The following ZNF600 variants were observed in gnomAD, a reference collection of about 807,000 sequenced individuals.
ZNF600 encodes zinc finger protein 600, also known as zinc finger protein KR-ZNF1.
ZNF600 carries 4 observed loss-of-function variants against 7.3 expected under a neutral mutation model. The ratio of observed to expected loss-of-function variants is 0.55; its 90% CI spans 0.27 to 1.25. The LOEUF (loss-of-function observed/expected upper bound fraction) is 1.25, where lower values mean the gene tolerates loss of function less well. ZNF600 is among the 50% of genes most tolerant of loss of function. The pLI is 0.12. For missense variants in ZNF600, 911 were observed against 922.1 expected, an observed-to-expected ratio of 0.99 and a Z score of 0.16; for synonymous variants, 290 against 308.9, an observed-to-expected ratio of 0.94 and a Z score of 0.64.
chr19:52,787,764 A>G (rs1466476217), upstream of ZNF600, among the ~76,000 whole-genome samples: 5 of 148,986 alleles, frequency 3.4e-5, no homozygotes, highest in Middle Eastern at 3.4e-3. Context: ...GGAGGCTGAG[A>G]CAGGAGAATG....
chr19:52,800,714 A>G, the ZNF600 span: 2 of 1,613,930 alleles, frequency 1.2e-6, no homozygotes, highest in Non-Finnish European at 1.7e-6. Context: ...TCTCTCCAGT[A>G]TGAAGCCTAC....
the ZNF600 span, among the ~76,000 whole-genome samples, chr19:52,794,389 C>T: frequency 6.6e-6 from 1 of 152,176 alleles, no homozygotes; most frequent in Non-Finnish European, 1.5e-5. Flanking sequence ...CTGAGCTTTT[C>T]TGGTCTTATT....
chr19:52,808,267 C>G, the ZNF600 span: 13 of 1,487,140 alleles, frequency 8.7e-6, no homozygotes, highest in African/African-American at 1.8e-4. Flanking sequence ...GATTTTTCAC[C>G]ACATGATGTT....
chr19:52,781,635 A>C (rs139266460), intron 1 of ZNF600, among the ~76,000 whole-genome samples, 171 bp from the exon 2 acceptor site: 1 of 152,132 alleles, frequency 6.6e-6, no homozygotes, highest in Non-Finnish European at 1.5e-5. Context: ...GCATCATGGC[A>C]TGCATCTGCG....
the ZNF600 span, among the ~76,000 whole-genome samples, chr19:52,792,990 C>G: frequency 1.3e-5 from 2 of 151,964 alleles, no homozygotes; most frequent in African/African-American, 4.8e-5. Flanking sequence ...CCCACCTCGG[C>G]CTCCCAAAGT....
chr19:52,791,070 C>G (rs1600409999), upstream of ZNF600, among the ~76,000 whole-genome samples: 1 of 152,204 alleles, frequency 6.6e-6, no homozygotes, highest in East Asian at 1.9e-4. Context: ...AAATCAGATA[C>G]AAACTATCTC....
the ZNF600 span, chr19:52,801,636 T>A: frequency 8.7e-6 from 14 of 1,613,854 alleles, no homozygotes; most frequent in East Asian, 6.7e-5. Context: ...TGTCCCTGTG[T>A]GGAACGCTTC....
chr19:52,823,076 C>T, the ZNF600 span, among the ~76,000 whole-genome samples: 3 of 152,150 alleles, frequency 2.0e-5, no homozygotes, highest in African/African-American at 7.2e-5. Flanking sequence ...GATTGATACA[C>T]TTCAAGGAAG....
the ZNF600 span, among the ~76,000 whole-genome samples, chr19:52,804,520 G>C: frequency 1.2e-3 from 182 of 152,164 alleles, 2 homozygotes; most frequent in African/African-American, 4.0e-3. Context: ...ACAGGCGCAC[G>C]CCACCATACA....
the ZNF600 span, among the ~76,000 whole-genome samples, chr19:52,815,097 A>G: frequency 7.5e-5 from 6 of 79,660 alleles, no homozygotes; most frequent in South Asian, 1.8e-3. Context: ...GTGTATATAT[A>G]TATTTATATA....
chr19:52,787,983 T>TA (rs369781585), upstream of ZNF600, among the ~76,000 whole-genome samples: 140 of 152,262 alleles, frequency 9.2e-4, 1 homozygote, highest in African/African-American at 3.2e-3. Flanking sequence ...CTTTCATACA[T>TA]AGATTCTCTG....
Position 52,767,670 on chromosome 19 carries a change from A to G in ZNF600, c.293T>C (p.Ile98Thr), listed in dbSNP as rs544548178. The stretch of plus-strand genomic sequence containing the variant: ...AATTTCCTGGAAGCAAAAATCTCCA[A>G]TGTGATAACTTTGATATCTTTGCAA... The change falls in exon 4 of 4, where the codon ATT (isoleucine) becomes ACT (threonine). Residue 98 changes from isoleucine (I) to threonine (T), a missense_variant. Ile to Thr is a moderately conservative substitution (Grantham distance 89). Transcript: ENST00000648973. The G allele has an allele frequency of 2.1e-5, 34 of 1,614,154 alleles. No individual in the cohort carries two copies. Among genetic ancestry groups the G allele is most frequent in the East Asian group, 2.0e-4 (9 of 44,882 alleles).
chr19:52,810,390 C>T, the ZNF600 span: 2 of 1,604,964 alleles, frequency 1.2e-6, no homozygotes, highest in Admixed American at 1.7e-5. Context: ...TTCAGTCAAC[C>T]ACGTTACCAT....
the ZNF600 span, chr19:52,805,649 A>AATAAATAC: frequency 6.7e-6 from 1 of 150,360 alleles, no homozygotes; most frequent in African/African-American, 2.4e-5. Context: ...AATAAAAATA[A>AATAAATAC]ATAAATAAAT....
the ZNF600 span, among the ~76,000 whole-genome samples, chr19:52,802,974 G>A: frequency 6.6e-6 from 1 of 152,050 alleles, no homozygotes; most frequent in Non-Finnish European, 1.5e-5. Context: ...TGTTAGCCAG[G>A]ATGGTCTCGA....
At chr19:52,832,867 A>G in the ZNF600 span, among the ~76,000 whole-genome samples, 1 of 151,854 alleles carries the variant, frequency 6.6e-6, no homozygotes, top group Non-Finnish European at 1.5e-5. Flanking sequence ...CACCTCCCGG[A>G]TTCAAGTGAT....
chr19:52,791,179 A>C (rs1275896345), upstream of ZNF600, among the ~76,000 whole-genome samples: 1 of 152,234 alleles, frequency 6.6e-6, no homozygotes, highest in Middle Eastern at 3.2e-3. Context: ...CAAAGAGCTG[A>C]CATCCAGACA....
chr19:52,799,552 G>A, the ZNF600 span: 2 of 1,477,116 alleles, frequency 1.4e-6, no homozygotes, highest in East Asian at 4.5e-5. Flanking sequence ...ATGGCTTTGT[G>A]ACTTACAAGG....
At chr19:52,799,064 T>C in the ZNF600 span, 1 of 481,994 alleles carries the variant, frequency 2.1e-6, no homozygotes, top group South Asian at 2.0e-5. Context: ...CAAGCTGTGA[T>C]TTGTGACTGA....
Sources: allele counts gnomAD v4.1 joint callset (sites outside exome capture counted in the v4.1 genomes callset), GRCh38; gene constraint gnomAD v4.1.1; transcripts MANE v1.5; gene names NCBI Gene and HGNC (gene_info 2026-07-23, HGNC 2026-07-21).